The following CSMD1 variants were observed in gnomAD, a reference collection of about 807,000 sequenced individuals.
CSMD1 encodes CUB and sushi domain-containing protein 1.
Under a neutral mutation model 417.5 loss-of-function variants are expected in CSMD1, and 213 were observed. The observed-to-expected ratio is 0.51, with a 90% confidence interval of 0.46 to 0.57. CSMD1 has a LOEUF of 0.57. CSMD1 is among the 20% of genes least tolerant of loss of function. The probability of loss-of-function intolerance (pLI) is 0.00; values close to 1 mark genes in which losing one functional copy is unlikely to be tolerated. For missense variants in CSMD1, 6,923 were observed against 4,529.7 expected (o/e 1.53, Z -15.17); for synonymous variants, 2,862 against 1,736.8 (o/e 1.65, Z -16.11).
chr8:3,989,578 G>T (rs1050335946), intron 5 of CSMD1, among the ~76,000 whole-genome samples: 9 of 152,098 alleles, frequency 5.9e-5, no homozygotes, highest in Admixed American at 3.3e-4. Context: ...ACAAGAAAGG[G>T]ATTGCATTAA....
In CSMD1 at chr8:3,288,494, T is replaced by A. The variant is rs1288534226; in HGVS notation, c.3951-4148A>T. Among the ~76,000 whole-genome samples the A allele has an allele frequency of 2.7e-5, 4 of 147,274 alleles. No homozygotes were observed. In the East Asian group the frequency reaches 7.8e-4, roughly 29 times the overall value. On this transcript the variant is annotated intron_variant, in intron 25 of 69. Coordinates refer to ENST00000635120, the MANE Select transcript of CSMD1 (RefSeq NM_033225.6). ...ATTTCAGACCCTGTTATTGGTCTAT[T>A]CAGAGATTCAACTTCTTCCTGGTTT...
chr8:4,159,650 G>A (rs147125472), intron 3 of CSMD1, among the ~76,000 whole-genome samples: 4,927 of 152,180 alleles, frequency 0.032, 129 homozygotes, highest in East Asian at 0.11. Flanking sequence ...GCACAGTGGC[G>A]CGATCTCGGC....
At position 3,521,760 on chromosome 8, in the gene CSMD1, G is replaced by C. The variant is rs181627929; in HGVS notation, c.1345-28034C>G. 6.0e-3 allele frequency among the ~76,000 whole-genome samples: 908 copies of C among 152,286 alleles called. 7 individuals carry two copies. The highest frequency in any genetic ancestry group is 9.0e-3 in the Non-Finnish European group (614 of 68,004). ...GATGTTAAGTAAATTCTCATTTATTGTATTCCCAGAACAAAATGCATTGAA... is the reference window on the plus strand; with the variant it reads ...GATGTTAAGTAAATTCTCATTTATTCTATTCCCAGAACAAAATGCATTGAA... On this transcript the variant is annotated intron_variant, in intron 10 of 69. Transcript: ENST00000635120.
chr8:4,124,702 C>T (rs560260241), intron 3 of CSMD1, among the ~76,000 whole-genome samples: 30 of 152,142 alleles, frequency 2.0e-4, no homozygotes, highest in Non-Finnish European at 2.9e-4. Flanking sequence ...TAGGGACTTC[C>T]CTAAGGGGGC....
Position 4,957,729 on chromosome 8 carries a change from C to T in CSMD1, c.85+36603G>A, listed in dbSNP as rs572477925. Among the ~76,000 whole-genome samples, 3 of 152,186 alleles carry T rather than the reference C, an allele frequency of 2.0e-5. No individual in the cohort carries two copies. The South Asian group carries it at 6.2e-4, about 32-fold the overall frequency. ...GTTTGTTTCTTACCATGTCTCTTTT[C>T]CCATTCCCCTTCTCTATAAGGACTC... On this transcript the variant is annotated intron_variant, in intron 1 of 69. Coordinates refer to ENST00000635120, the MANE Select transcript of CSMD1 (RefSeq NM_033225.6).
chr8:3,329,465 G>A (rs902648595), intron 23 of CSMD1, among the ~76,000 whole-genome samples: 3 of 152,102 alleles, frequency 2.0e-5, no homozygotes, highest in Non-Finnish European at 2.9e-5. Flanking sequence ...TATGATGAAC[G>A]GGGAAACTGC....
intron 49 of CSMD1, among the ~76,000 whole-genome samples, chr8:3,080,230 G>C (rs1331715082): frequency 6.6e-6 from 1 of 152,156 alleles, no homozygotes; most frequent in Non-Finnish European, 1.5e-5. Flanking sequence ...AGTTTAACTG[G>C]ATCTTTGAGA....
intron 3 of CSMD1, among the ~76,000 whole-genome samples, chr8:4,190,275 A>T (rs1349967443): frequency 3.5e-5 from 5 of 142,390 alleles, no homozygotes; most frequent in African/African-American, 5.1e-5. Flanking sequence ...AAAAAAAAAA[A>T]GCAGAGACTC....
At chr8:4,712,692 T>C (rs1018511271) in intron 1 of CSMD1, among the ~76,000 whole-genome samples, 38 of 152,332 alleles carry the variant, frequency 2.5e-4, no homozygotes, top group South Asian at 6.2e-4. Context: ...TAGATAATAA[T>C]AGTGACGGTG....
intron 26 of CSMD1, among the ~76,000 whole-genome samples, chr8:3,230,483 T>G (rs1289282153): frequency 2.2e-5 from 2 of 89,750 alleles, no homozygotes; most frequent in African/African-American, 8.2e-5. Context: ...ATATCAAGGG[T>G]TTTTTTAAAA....
rs545708879 is a variant in CSMD1 at position 4,476,753 on chromosome 8, T to C, written c.303-56688A>G. ...TTCTTAATTTCTATACCTCCGTTTG[T>C]TCATATGTAAGGATTAGATGGCACA... On this transcript the variant is annotated intron_variant, in intron 2 of 69. Coordinates refer to ENST00000635120, the MANE Select transcript of CSMD1 (RefSeq NM_033225.6). 2.0e-3 allele frequency among the ~76,000 whole-genome samples: 308 copies of C among 152,304 alleles called. 1 individual carries two copies. The highest frequency in any genetic ancestry group is 2.7e-3 in the Non-Finnish European group (181 of 68,028).
At chr8:3,604,782 G>A (rs1359383306) in intron 8 of CSMD1, among the ~76,000 whole-genome samples, 1 of 152,044 alleles carries the variant, frequency 6.6e-6, no homozygotes, top group Non-Finnish European at 1.5e-5. Context: ...CAGTTTTATT[G>A]CTTGTGGTAT....
intron 1 of CSMD1, among the ~76,000 whole-genome samples, chr8:4,826,778 G>A (rs557507598): frequency 2.0e-5 from 3 of 152,186 alleles, no homozygotes; most frequent in African/African-American, 7.2e-5. Context: ...AGCTCCCTCT[G>A]CTATATGGAA....
At chr8:4,206,349 C>A (rs190133235) in intron 3 of CSMD1, among the ~76,000 whole-genome samples, 1 of 152,206 alleles carries the variant, frequency 6.6e-6, no homozygotes, top group East Asian at 1.9e-4. Flanking sequence ...TTCCCCTCCC[C>A]CCAACCCACC....
In CSMD1 at chr8:3,409,608, G is replaced by A; in HGVS notation, c.1562-3C>T. ...CCCACACCCTCCCTTTTCAATTTCT[G>A]AAAATGGAAAAACAAATGAACCCTT... On this transcript the variant is annotated splice_polypyrimidine_tract_variant and splice_region_variant and intron_variant, in intron 12 of 69. Transcript: ENST00000635120. 1.3e-6 allele frequency: 2 copies of A among 1,568,020 alleles called. No individual in the cohort carries two copies. Among genetic ancestry groups the A allele is most frequent in the South Asian group, 2.3e-5 (2 of 85,840 alleles).
At chr8:4,887,925 C>T (rs1308332793) in intron 1 of CSMD1, among the ~76,000 whole-genome samples, 2 of 151,948 alleles carry the variant, frequency 1.3e-5, no homozygotes, top group Non-Finnish European at 2.9e-5. Flanking sequence ...TATTTTTTAT[C>T]TAAAGTGAGT....
intron 2 of CSMD1, among the ~76,000 whole-genome samples, chr8:4,465,979 G>C (rs1217723509): frequency 6.6e-6 from 1 of 152,222 alleles, no homozygotes; most frequent in Non-Finnish European, 1.5e-5. Flanking sequence ...GACAAGGACA[G>C]ATGGGAAAAG....
At chr8:3,535,213 C>T (rs1266747572) in intron 10 of CSMD1, among the ~76,000 whole-genome samples, 1 of 152,092 alleles carries the variant, frequency 6.6e-6, no homozygotes, top group Non-Finnish European at 1.5e-5. Context: ...TTCAGCCTCC[C>T]AAGCTCTAGG....
chr8:4,163,354 A>G (rs960184170), intron 3 of CSMD1, among the ~76,000 whole-genome samples: 5 of 152,188 alleles, frequency 3.3e-5, no homozygotes, highest in Non-Finnish European at 5.9e-5. Context: ...CCCATCAGCC[A>G]TAACTCAGAG....
Sources: gnomAD v4.1 joint callset for allele counts (sites outside exome capture counted in the v4.1 genomes callset) on GRCh38, gnomAD v4.1.1 for gene constraint, MANE v1.5 for transcripts, NCBI Gene and HGNC (gene_info 2026-07-23, HGNC 2026-07-21) for gene names.